The following FOXP2 variants were observed in gnomAD, a reference collection of about 807,000 sequenced individuals.
FOXP2 encodes forkhead box protein P2.
FOXP2 carries 12 observed loss-of-function variants against 115.8 expected under a neutral mutation model. The ratio of observed to expected loss-of-function variants is 0.10; its 90% confidence interval spans 0.07 to 0.17. FOXP2 has a LOEUF of 0.17. Among genes scored for constraint, FOXP2 ranks in the 10% least tolerant of loss-of-function variants. The pLI is 1.00. For missense variants in FOXP2, 629 were observed against 843.5 expected, an observed-to-expected ratio of 0.75 and a Z score of 3.15; for synonymous variants, 328 against 297.7, an observed-to-expected ratio of 1.10 and a Z score of -1.05.
At chr7:114,121,966 G>C (rs150365719) in intron 1 of FOXP2, among the ~76,000 whole-genome samples, 1 of 152,012 alleles carries the variant, frequency 6.6e-6, no homozygotes, top group East Asian at 1.9e-4. Flanking sequence ...ACTGCCCCTC[G>C]GTAGGGGTAC....
At chr7:114,141,411 A>C (rs1298177624) in intron 1 of FOXP2, among the ~76,000 whole-genome samples, 2 of 152,248 alleles carry the variant, frequency 1.3e-5, no homozygotes, top group Non-Finnish European at 2.9e-5. Context: ...GTGATTTCCC[A>C]AAACGGACCT....
rs1157577074 is a variant in FOXP2 at position 114,644,891 on chromosome 7, C to A, written c.1094+102C>A. On this transcript the variant is annotated intron_variant, in intron 8 of 16. Coordinates refer to ENST00000350908, the MANE Select transcript of FOXP2 (RefSeq NM_014491.4). ...AAAGATGAAGGAGGAATGTAAAAGT[C>A]CATTATAAGTCATACTTCAAGATTT... The A allele has an allele frequency of 3.4e-6, 3 of 890,014 alleles. No individual in the cohort carries two copies. In the East Asian group the frequency reaches 7.9e-5, roughly 24 times the overall value. 55.1% of individuals were successfully genotyped at this position (890,014 alleles called of 1,614,324 possible). A position where few individuals can be genotyped will look rare whatever the true frequency, so the allele number is the denominator to read the frequency against.
intron 2 of FOXP2, among the ~76,000 whole-genome samples, chr7:114,434,223 AT>A (rs1249004423): frequency 6.6e-6 from 1 of 151,922 alleles, no homozygotes; most frequent in Admixed American, 6.6e-5. Context: ...AATTTAGCTG[AT>A]TGTCATTTTG....
intron 1 of FOXP2, among the ~76,000 whole-genome samples, chr7:114,250,011 A>C (rs1172079811): frequency 7.6e-6 from 1 of 132,300 alleles, no homozygotes; most frequent in Non-Finnish European, 1.5e-5. Context: ...AAGTGTTCTC[A>C]TTGTTCAATT....
At chr7:114,103,846 A>AT (rs1222053232) in intron 1 of FOXP2, among the ~76,000 whole-genome samples, 1 of 151,910 alleles carries the variant, frequency 6.6e-6, no homozygotes, top group Non-Finnish European at 1.5e-5. Flanking sequence ...GGATTTTGTG[A>AT]TTTTTGACTT....
upstream of FOXP2, among the ~76,000 whole-genome samples, chr7:114,161,858 C>T (rs1489101569): frequency 2.0e-5 from 3 of 152,118 alleles, no homozygotes; most frequent in Non-Finnish European, 4.4e-5. Flanking sequence ...TCTTGGCTCA[C>T]TACAGCCTTT....
At chr7:114,478,739 T>G (rs1205430621) in intron 2 of FOXP2, among the ~76,000 whole-genome samples, 1 of 151,794 alleles carries the variant, frequency 6.6e-6, no homozygotes, top group African/African-American at 2.4e-5. Flanking sequence ...TTTGTGTGCT[T>G]TTTAAATTGA....
At chr7:114,430,347 T>G (rs1029473701) in intron 2 of FOXP2, among the ~76,000 whole-genome samples, 1 of 151,750 alleles carries the variant, frequency 6.6e-6, no homozygotes, top group Non-Finnish European at 1.5e-5. Context: ...TATTTTCTTT[T>G]AGAAATTAAT....
upstream of FOXP2, among the ~76,000 whole-genome samples, chr7:114,158,789 A>G (rs1350158977): frequency 6.6e-6 from 1 of 152,136 alleles, no homozygotes; most frequent in Non-Finnish European, 1.5e-5. Flanking sequence ...GTGGGTTTAG[A>G]TTCAGTCTGT....
chr7:114,214,859 T>C (rs577813930), intron 1 of FOXP2, among the ~76,000 whole-genome samples: 137 of 152,334 alleles, frequency 9.0e-4, no homozygotes, highest in African/African-American at 3.2e-3. Flanking sequence ...ATCTATTCTA[T>C]GATGATATCC....
intron 1 of FOXP2, among the ~76,000 whole-genome samples, chr7:114,241,167 AC>A (rs146365657): frequency 0.016 from 2,415 of 152,216 alleles, 30 homozygotes; most frequent in African/African-American, 0.029. Flanking sequence ...TTGAGTGTTT[AC>A]TTTTACTAGC....
chr7:114,639,930 G>A (rs896137497), intron 6 of FOXP2, among the ~76,000 whole-genome samples: 15 of 152,094 alleles, frequency 9.9e-5, no homozygotes, highest in African/African-American at 2.4e-4. Flanking sequence ...CCTGGGAAGC[G>A]ACATGACCTA....
intron 1 of FOXP2, among the ~76,000 whole-genome samples, chr7:114,216,451 G>GT (rs1206011005): frequency 6.6e-6 from 1 of 152,038 alleles, no homozygotes; most frequent in Non-Finnish European, 1.5e-5. Context: ...CTTGTGCAGC[G>GT]TAAGTTTAAG....
intron 1 of FOXP2, among the ~76,000 whole-genome samples, chr7:114,233,927 A>G (rs1219375417): frequency 1.3e-5 from 2 of 152,150 alleles, no homozygotes; most frequent in East Asian, 3.9e-4. Flanking sequence ...GCTCAGGAAT[A>G]GCTTGAACCT....
Position 114,149,805 on chromosome 7 carries a change from G to A in FOXP2, c.-246-13139G>A, listed in dbSNP as rs138374593. ...ATAAAATTAGACTCAATTTTAGTAC[G>A]CTCATGTTGAGTTGAATTTTTTTCC... is the stretch of plus-strand genomic sequence containing the variant. On this transcript the variant is annotated intron_variant, in intron 1 of 19. Coordinates refer to the FOXP2 transcript ENST00000635638. 3.9e-3 allele frequency among the ~76,000 whole-genome samples: 588 copies of A among 152,090 alleles called. 8 individuals are homozygous for A. Among genetic ancestry groups the A allele is most frequent in the Middle Eastern group, 6.8e-3 (2 of 294 alleles).
chr7:114,181,708 T>C (rs969422183), intron 1 of FOXP2, among the ~76,000 whole-genome samples: 3 of 152,072 alleles, frequency 2.0e-5, no homozygotes, highest in Admixed American at 6.6e-5. Flanking sequence ...GATACAGTCA[T>C]TGTTTAATAA....
At chr7:114,215,355 A>G (rs753671492) in intron 1 of FOXP2, among the ~76,000 whole-genome samples, 1 of 152,162 alleles carries the variant, frequency 6.6e-6, no homozygotes, top group African/African-American at 2.4e-5. Flanking sequence ...AGTTAAATTT[A>G]TTACAGATTT....
chr7:114,588,607 G>A (rs2129306417), intron 3 of FOXP2, among the ~76,000 whole-genome samples: 1 of 152,236 alleles, frequency 6.6e-6, no homozygotes, highest in Non-Finnish European at 1.5e-5. Context: ...ATAAACAAGT[G>A]TATGGTCACT....
chr7:114,513,469 C>T (rs1308139555), intron 2 of FOXP2, among the ~76,000 whole-genome samples: 1 of 152,040 alleles, frequency 6.6e-6, no homozygotes, highest in African/African-American at 2.4e-5. Flanking sequence ...TATTCTTAGA[C>T]CCCACCTCAA....
Sources: allele counts gnomAD v4.1 joint callset (sites outside exome capture counted in the v4.1 genomes callset), GRCh38; gene constraint gnomAD v4.1.1; transcripts MANE v1.5; gene names NCBI Gene and HGNC (gene_info 2026-07-23, HGNC 2026-07-21).